GRM8: variants seen among roughly 807,000 people sequenced by gnomAD.
The protein encoded by GRM8 is glutamate metabotropic receptor 8, also known as metabotropic glutamate receptor 8.
In GRM8, 47 loss-of-function variants were observed where a neutral mutation model predicts 87.2. That is an observed-to-expected ratio of 0.54 (90% CI 0.43 to 0.69). GRM8 has a LOEUF of 0.69. Among genes scored for constraint, GRM8 ranks in the 30% least tolerant of loss-of-function variants. GRM8 has a pLI of 0.00. For synonymous variants in GRM8, 396 were observed against 404.5 expected (o/e 0.98, Z 0.25); for missense variants, 1,019 against 1,139.2 (o/e 0.89, Z 1.52).
intron 2 of GRM8, among the ~76,000 whole-genome samples, chr7:127,183,669 A>C (rs1794594116): frequency 6.6e-6 from 1 of 151,832 alleles, no homozygotes; most frequent in South Asian, 2.1e-4. Context: ...ACAAAAAGAA[A>C]CACAATAAAA....
chr7:126,848,637 A>G (rs932467582), intron 6 of GRM8, among the ~76,000 whole-genome samples: 5 of 152,078 alleles, frequency 3.3e-5, no homozygotes, highest in African/African-American at 1.2e-4. Flanking sequence ...CCTGGGCAAC[A>G]TGGCGAAACT....
At chr7:126,599,568 G>A (rs1007332083) in intron 8 of GRM8, among the ~76,000 whole-genome samples, 1 of 152,120 alleles carries the variant, frequency 6.6e-6, no homozygotes, top group African/African-American at 2.4e-5. Flanking sequence ...TCTGAGAACG[G>A]AAGGTAAGAG....
chr7:126,851,001 C>A (rs773202446), intron 6 of GRM8, among the ~76,000 whole-genome samples: 26 of 152,076 alleles, frequency 1.7e-4, no homozygotes, highest in Non-Finnish European at 3.4e-4. Context: ...CCATGAATGG[C>A]CATGACAGCC....
intron 6 of GRM8, among the ~76,000 whole-genome samples, chr7:126,891,475 T>C (rs1801000512): frequency 6.6e-6 from 1 of 152,018 alleles, no homozygotes; most frequent in Non-Finnish European, 1.5e-5. Flanking sequence ...TTCAACTGCC[T>C]CTTGAGGCAT....
chr7:126,840,282 G>T (rs1796155120), intron 6 of GRM8, among the ~76,000 whole-genome samples: 1 of 152,096 alleles, frequency 6.6e-6, no homozygotes. Context: ...GAAACTGCAG[G>T]TCATTCATGA....
chr7:126,818,135 G>T (rs1453765644), intron 6 of GRM8, among the ~76,000 whole-genome samples: 1 of 151,856 alleles, frequency 6.6e-6, no homozygotes, highest in South Asian at 2.1e-4. Context: ...GATGGTAAAG[G>T]AAAAGGAATC....
intron 10 of GRM8, 33 bp from the exon 11 acceptor site, chr7:126,439,201 T>C (rs1465132938): frequency 2.8e-6 from 3 of 1,088,472 alleles, no homozygotes; most frequent in South Asian, 1.3e-5. Context: ...ATTAAAATAG[T>C]ATATAATAAT....
chr7:126,580,851 A>C (rs1795541523), intron 8 of GRM8, among the ~76,000 whole-genome samples: 1 of 152,148 alleles, frequency 6.6e-6, no homozygotes, highest in Non-Finnish European at 1.5e-5. Flanking sequence ...TATTCTTCAA[A>C]TAAAAAGGAA....
chr7:127,200,389 T>C (rs994595059), intron 2 of GRM8, among the ~76,000 whole-genome samples: 1 of 152,250 alleles, frequency 6.6e-6, no homozygotes, highest in African/African-American at 2.4e-5. Context: ...AGACCTCATA[T>C]ACTTTTTGTC....
intron 7 of GRM8, among the ~76,000 whole-genome samples, chr7:126,721,357 G>C (rs964821023): frequency 1.3e-5 from 2 of 152,092 alleles, no homozygotes; most frequent in African/African-American, 4.8e-5. Context: ...GCTTTTTAAA[G>C]AATGAATATA....
chr7:127,067,305 T>C (rs762084929), intron 3 of GRM8, among the ~76,000 whole-genome samples: 1 of 152,204 alleles, frequency 6.6e-6, no homozygotes, highest in Non-Finnish European at 1.5e-5. Flanking sequence ...CTGCAACATA[T>C]ACCCATCATC....
chr7:126,990,167 C>G (rs1812511122), intron 3 of GRM8, among the ~76,000 whole-genome samples: 2 of 152,156 alleles, frequency 1.3e-5, no homozygotes, highest in South Asian at 2.1e-4. Flanking sequence ...TTTGGCCAAC[C>G]ATACTCATTC....
chr7:126,504,276 C>T lies in GRM8; in HGVS notation c.2430+28676G>A, dbSNP rs73722632. ...CATATTACATTTTAACAAGATACAG[C>T]CCCTTATTAAATGTAAAAGAAAACA... is the stretch of plus-strand genomic sequence containing the variant. On this transcript the variant is annotated intron_variant, in intron 9 of 10. Transcript: ENST00000339582. Among the ~76,000 whole-genome samples, 666 of 152,102 alleles carry T rather than the reference C, an allele frequency of 4.4e-3. 2 individuals carry two copies. The highest frequency in any genetic ancestry group is 0.015 in the African/African-American group (642 of 41,532).
intron 2 of GRM8, among the ~76,000 whole-genome samples, chr7:127,204,597 A>G (rs1010543999): frequency 5.9e-5 from 9 of 152,018 alleles, no homozygotes; most frequent in African/African-American, 1.7e-4. Context: ...ACTCACTAAT[A>G]TATTATTCAG....
At chr7:126,946,423 C>G (rs1363231072) in intron 3 of GRM8, among the ~76,000 whole-genome samples, 1 of 152,094 alleles carries the variant, frequency 6.6e-6, no homozygotes, top group Non-Finnish European at 1.5e-5. Flanking sequence ...ATCACTTGGG[C>G]CTAATAAATT....
chr7:127,106,212 T>C (rs1825791984), intron 3 of GRM8, among the ~76,000 whole-genome samples: 2 of 152,204 alleles, frequency 1.3e-5, no homozygotes, highest in Admixed American at 6.5e-5. Context: ...TTACAGTGGC[T>C]CTAATGTGCC....
intron 2 of GRM8, among the ~76,000 whole-genome samples, chr7:127,173,385 G>C (rs920758417): frequency 6.6e-6 from 1 of 152,118 alleles, no homozygotes; most frequent in African/African-American, 2.4e-5. Context: ...AAACCAACCA[G>C]AGCAAAGGTC....
chr7:126,811,964 G>A lies in GRM8; in HGVS notation c.1157-41899C>T, dbSNP rs551839248. ...GTTCTTAGAAGAAATGATAGGCAAC[G>A]AAGATTTTGAAGGGTGGAGGGGTGA... On this transcript the variant is annotated intron_variant, in intron 6 of 10. Transcript: ENST00000339582. Among the ~76,000 whole-genome samples the A allele has an allele frequency of 7.2e-5, 11 of 151,950 alleles. No individual in the cohort carries two copies. In the East Asian group the frequency reaches 1.6e-3, roughly 21 times the overall value.
At chr7:126,646,452 T>C (rs1803104339) in intron 7 of GRM8, among the ~76,000 whole-genome samples, 1 of 152,184 alleles carries the variant, frequency 6.6e-6, no homozygotes, top group Admixed American at 6.5e-5. Flanking sequence ...CTAACCCATC[T>C]TCCTTCATCC....
Sources: gnomAD v4.1 joint callset for allele counts (sites outside exome capture counted in the v4.1 genomes callset) on GRCh38, gnomAD v4.1.1 for gene constraint, MANE v1.5 for transcripts, NCBI Gene and HGNC (gene_info 2026-07-23, HGNC 2026-07-21) for gene names.